Variants in TNRC18 observed in about 807,000 individuals in gnomAD.
The protein encoded by TNRC18 is trinucleotide repeat-containing gene 18 protein.
A neutral mutation model predicts 226.7 loss-of-function variants in TNRC18; 69 were observed. The ratio of observed to expected loss-of-function variants is 0.30; its 90% CI spans 0.25 to 0.37. The LOEUF is 0.37. Ranked by LOEUF, TNRC18 falls within the 10% of genes least tolerant of loss-of-function variation. The pLI is 1.00. For missense variants in TNRC18, 4,754 were observed against 4,256.6 expected (o/e 1.12, Z -3.25); for synonymous variants, 2,449 against 1,927.6 (o/e 1.27, Z -7.09).
chr7:5,385,490 G>A (rs1249449826), intron 5 of TNRC18, among the ~76,000 whole-genome samples: 2 of 81,802 alleles, frequency 2.4e-5, no homozygotes, highest in African/African-American at 4.3e-5. Context: ...GCGAGACTCC[G>A]TCTCAAAAAA....
In TNRC18 at chr7:5,313,713, G is replaced by A. The variant is rs12532973; in HGVS notation, c.7178C>T (p.Pro2393Leu). 169,708 of 1,586,950 alleles carry A rather than the reference G, an allele frequency of 0.11. 9,921 individuals carry two copies. Among genetic ancestry groups the A allele is most frequent in the Admixed American group, 0.2 (11,060 of 56,624 alleles). The change falls in exon 27 of 30, where the codon CCG becomes CTG. Residue 2393 changes from proline (P) to leucine (L), a missense_variant. Physicochemically the swap from Pro to Leu is moderately conservative, Grantham distance 98. Coordinates refer to ENST00000430969, the MANE Select transcript of TNRC18 (RefSeq NM_001080495.3). The part of the protein sequence containing the change: ...RAKAPKARPA[P>L]PQPSPAPPAF... ...GGGTGGTGCGGGACTGGGCTGCGGCGGTGCCGGGCGCGCCTTGGGGGCCTT... is the reference window on the plus strand; with the variant it reads ...GGGTGGTGCGGGACTGGGCTGCGGCAGTGCCGGGCGCGCCTTGGGGGCCTT...
In TNRC18 at chr7:5,388,692, C is replaced by A; in HGVS notation, c.1132G>T (p.Val378Leu). ...CCCGGGCGCTCGTCGAAGGCCTCCA[C>A]GGAAGGCACGAAGGTGGGCGCCACC... is the stretch of plus-strand genomic sequence containing the variant. ...RVVAPTFVPS[V>L]EAFDERPGPI... Residue 378 changes from valine to leucine, a missense_variant, in exon 5 of 30, where the codon GTG (valine) becomes TTG (leucine). Val to Leu is a conservative substitution (Grantham distance 32). Transcript: ENST00000430969. 7.9e-7 allele frequency: 1 copy of A among 1,265,438 alleles called. No homozygotes were observed. The highest frequency in any genetic ancestry group is 1.0e-6 in the Non-Finnish European group (1 of 1,003,090). The allele number at this position is 1,265,438 out of a possible 1,614,324, so 78.4% of individuals were successfully genotyped here. A position where few individuals can be genotyped will look rare whatever the true frequency, so the allele number is the denominator to read the frequency against.
chr7:5,359,827 T>TCACACACA (rs35120436), intron 14 of TNRC18, among the ~76,000 whole-genome samples: 1 of 151,290 alleles, frequency 6.6e-6, no homozygotes, highest in Non-Finnish European at 1.5e-5. Context: ...ACGCGTACAC[T>TCACACACA]CACACACACA....
At chr7:5,396,335 G>C (rs926309506) in intron 2 of TNRC18, among the ~76,000 whole-genome samples, 4 of 152,094 alleles carry the variant, frequency 2.6e-5, no homozygotes, top group Non-Finnish European at 5.9e-5. Flanking sequence ...GCAACAGAGT[G>C]AGACTCCGTC....
intron 10 of TNRC18, among the ~76,000 whole-genome samples, chr7:5,372,093 A>C (rs1014295021): frequency 6.7e-6 from 1 of 149,446 alleles, no homozygotes; most frequent in Non-Finnish European, 1.5e-5. Context: ...TTTGAGACGC[A>C]GTCTCGCTCT....
Position 5,376,976 on chromosome 7 carries a change from G to T in TNRC18, c.2479C>A (p.Leu827Met). The T allele has an allele frequency of 6.3e-7, 1 of 1,583,498 alleles. No homozygotes were observed. Among genetic ancestry groups the T allele is most frequent in the East Asian group, 2.3e-5 (1 of 43,442 alleles). ...GHPYGLGPPS[L>M]HQGMAPAFPP... ...AACGCAGGGGCCATGCCCTGGTGCA[G>T]AGATGGGGGACCCAAGCCTAGGAGG... The change falls in exon 8 of 30, where the codon CTG becomes ATG. Residue 827 changes from leucine to methionine, a missense_variant. Physicochemically the swap from Leu to Met is conservative, Grantham distance 15 (BLOSUM62 2). Coordinates refer to ENST00000430969, the MANE Select transcript of TNRC18 (RefSeq NM_001080495.3).
In TNRC18 at chr7:5,388,578, AGCCGGGGGGC is replaced by A. The variant is rs1041406953; in HGVS notation, c.1236_1245del (p.Pro414ArgfsTer173). On this transcript the variant is annotated frameshift_variant, in exon 5 of 30. Coordinates refer to ENST00000430969, the MANE Select transcript of TNRC18 (RefSeq NM_001080495.3). LOFTEE classifies it high-confidence loss of function. ...TCGGGCCGGTCCAGAGGCCGCGGGGAGCCGGGGGGCGCCTGCAGGACCCCTGGCCTGCCAG... is the reference window on the plus strand; with the variant it reads ...TCGGGCCGGTCCAGAGGCCGCGGGGAGCCTGCAGGACCCCTGGCCTGCCAG... 7.7e-7 allele frequency: 1 copy of A among 1,297,946 alleles called. No homozygotes were observed. Among genetic ancestry groups the A allele is most frequent in the African/African-American group, 1.6e-5 (1 of 62,040 alleles). 80.4% of individuals were successfully genotyped at this position (1,297,946 alleles called of 1,614,324 possible).
chr7:5,361,773 C>T (rs1239404725), intron 13 of TNRC18, 51 bp from the exon 14 acceptor site: 43 of 1,544,770 alleles, frequency 2.8e-5, no homozygotes, highest in Admixed American at 9.8e-5. Flanking sequence ...GGGCGGGGCG[C>T]GGAGAACGGG....
chr7:5,338,556 G>A (rs763397149), intron 18 of TNRC18, among the ~76,000 whole-genome samples: 2 of 149,210 alleles, frequency 1.3e-5, no homozygotes, highest in South Asian at 2.1e-4. Context: ...TGGGCAACAG[G>A]TAGAGGTTGC....
In TNRC18 at chr7:5,388,125, G is replaced by A. The variant is rs1210725525; in HGVS notation, c.1699C>T (p.Arg567Trp). 1.9e-6 allele frequency: 3 copies of A among 1,554,508 alleles called. No homozygotes were observed. The highest frequency in any genetic ancestry group is 2.4e-5 in the South Asian group (2 of 84,752). The change falls in exon 5 of 30, where the codon CGG becomes TGG. Residue 567 changes from arginine (R) to tryptophan (W), a missense_variant. Arg to Trp is a moderately radical substitution (Grantham distance 101). Transcript: ENST00000430969. ...GCAGAGTGCATGTCAGCGACCGGCC[G>A]GCCGCAGGTGGCCGCCGAGCGGGGC... ...VLPRSAATCG[R>W]PVADMHSAAH...
At chr7:5,315,416 G>GT (rs10601250) in intron 25 of TNRC18, among the ~76,000 whole-genome samples, 200 of 147,560 alleles carry the variant, frequency 1.4e-3, no homozygotes, top group African/African-American at 1.7e-3. Context: ...CTTTTGTTGG[G>GT]TTTTTTTTTT....
chr7:5,376,360 C>T, intron 8 of TNRC18, 136 bp from the exon 9 acceptor site: 2 of 808,192 alleles, frequency 2.5e-6, no homozygotes, highest in Non-Finnish European at 3.7e-6. Context: ...CCCCCGGCTG[C>T]TCCCCAGGGG....
intron 24 of TNRC18, among the ~76,000 whole-genome samples, chr7:5,317,890 GAC>G (rs1788012599): frequency 6.6e-6 from 1 of 151,008 alleles, no homozygotes; most frequent in South Asian, 2.1e-4. Flanking sequence ...TTTTTTTTGA[GAC>G]AGAGTCTCAC....
chr7:5,397,592 C>T (rs7786245), intron 2 of TNRC18, among the ~76,000 whole-genome samples: 91,903 of 151,882 alleles, frequency 0.61, 28,588 homozygotes, highest in East Asian at 0.83. Context: ...ATGAGGCCAG[C>T]GTGCCACCCC....
At chr7:5,420,301 G>C (rs1378414970) in intron 2 of TNRC18, 2 of 442,066 alleles carry the variant, frequency 4.5e-6, no homozygotes, top group Middle Eastern at 3.3e-4. Context: ...CCGCCGCCTG[G>C]GCCCTGCCCG....
chr7:5,378,112 G>GA (rs1779134369), intron 5 of TNRC18, 88 bp from the exon 6 acceptor site: 7 of 1,006,684 alleles, frequency 7.0e-6, no homozygotes, highest in Non-Finnish European at 1.0e-5. Flanking sequence ...CCCTCCCTGG[G>GA]CCCCCCAGAG....
In TNRC18 at chr7:5,335,073, G is replaced by A. The variant is rs559667733; in HGVS notation, c.5720-2024C>T. 2.2e-3 allele frequency among the ~76,000 whole-genome samples: 339 copies of A among 151,938 alleles called. 5 individuals are homozygous for A. Among genetic ancestry groups the A allele is most frequent in the African/African-American group, 7.5e-3 (312 of 41,438 alleles). On this transcript the variant is annotated intron_variant, in intron 18 of 29. Transcript: ENST00000430969. ...TCCCAGCCCTTTGGGAGGTCAAGGC[G>A]GGCGGATCACCTGAGGTCAGGAGTT...
chr7:5,388,554 C>T lies in TNRC18; in HGVS notation c.1270G>A (p.Glu424Lys), dbSNP rs1036885395. 14 of 1,311,340 alleles carry T rather than the reference C, an allele frequency of 1.1e-5. No individual in the cohort carries two copies. Among genetic ancestry groups the T allele is most frequent in the African/African-American group, 3.2e-5 (2 of 62,914 alleles). The allele number at this position is 1,311,340 out of a possible 1,614,324, so 81.2% of individuals were successfully genotyped here. Residue 424 changes from glutamate (E) to lysine (K), a missense_variant, in exon 5 of 30, where the codon GAG (glutamate) becomes AAG (lysine). Coordinates refer to ENST00000430969, the MANE Select transcript of TNRC18 (RefSeq NM_001080495.3). ...ACCGAGTTCTTCTCGCGCAGGCCCT[C>T]GGGCCGGTCCAGAGGCCGCGGGGAG... Reference protein sequence around the residue: ...PGSPRPLDRPEGLREKNSVIR... With the variant: ...PGSPRPLDRPKGLREKNSVIR...
chr7:5,328,501 CCCG>C (rs1789173287), intron 19 of TNRC18, among the ~76,000 whole-genome samples: 4 of 136,300 alleles, frequency 2.9e-5, no homozygotes, highest in Non-Finnish European at 4.9e-5. Context: ...GACCACCTTC[CCCG>C]CCGCCGCCTT....
Sources: allele counts gnomAD v4.1 joint callset (sites outside exome capture counted in the v4.1 genomes callset), GRCh38; gene constraint gnomAD v4.1.1; transcripts MANE v1.5; gene names NCBI Gene and HGNC (gene_info 2026-07-23, HGNC 2026-07-21).